CSRP1: variants seen among roughly 807,000 people sequenced by gnomAD.
CSRP1 encodes the protein cysteine and glycine rich protein 1.
A neutral mutation model predicts 25.4 loss-of-function variants in CSRP1; 16 were observed. That is an observed-to-expected ratio of 0.63 (90% CI 0.43 to 0.96). The LOEUF (loss-of-function observed/expected upper bound fraction) is 0.96. Among genes scored for constraint, CSRP1 ranks in the 40% least tolerant of loss-of-function variants. The pLI, the probability that CSRP1 is intolerant of heterozygous loss-of-function variation, is 0.00. For synonymous variants in CSRP1, 97 were observed against 95.3 expected (o/e 1.02, Z -0.10); for missense variants, 212 against 243.6 (o/e 0.87, Z 0.86).
chr1:201,489,465 G>C (rs1341346553), intron 3 of CSRP1: 2 of 175,748 alleles, frequency 1.1e-5, no homozygotes, highest in Admixed American at 1.1e-4. Flanking sequence ...GTGCCGTGGG[G>C]TGAGGGGGGT....
chr1:201,486,350 C>A, intron 4 of CSRP1: 1 of 985,494 alleles, frequency 1.0e-6, no homozygotes, highest in Non-Finnish European at 1.2e-6. Context: ...CTCTGCTTAA[C>A]CCAGGAAAAG....
intron 4 of CSRP1, chr1:201,486,998 G>A: frequency 7.7e-7 from 1 of 1,299,682 alleles, no homozygotes; most frequent in Non-Finnish European, 1.0e-6. Flanking sequence ...GATCTTCATT[G>A]TGACCTCAAA....
chr1:201,495,467 A>C (rs1317663051), intron 2 of CSRP1: 1 of 152,170 alleles, frequency 6.6e-6, no homozygotes, highest in Non-Finnish European at 1.5e-5. Context: ...TCATTTAGGA[A>C]CCTGAGGAGA....
rs1664045333 is a variant in CSRP1 at position 201,483,786 on chromosome 1, G to T, written c.*927C>A. On this transcript the variant is annotated 3_prime_UTR_variant, in exon 6 of 6. Transcript: ENST00000340006. ...TCTTGGGTTAAAGGGAAGATTCTGA[G>T]GTCTCAGGGCAAAGGGAAAGGTGTT... 1 of 492,084 alleles carries T rather than the reference G, an allele frequency of 2.0e-6. No homozygotes were observed. The highest frequency in any genetic ancestry group is 3.5e-5 in the South Asian group (1 of 28,774). The allele number at this position is 492,084 out of a possible 1,614,324, so 30.5% of individuals were successfully genotyped here. A position where few individuals can be genotyped will look rare whatever the true frequency, so the allele number is the denominator to read the frequency against.
chr1:201,496,186 A>C lies in CSRP1; in HGVS notation c.112+6T>G. ...GCAACAGCAATAGGGCCTGGGGCGTACTCACTGCACAGGAAGCAGGATTTA... is the reference window on the plus strand; with the variant it reads ...GCAACAGCAATAGGGCCTGGGGCGTCCTCACTGCACAGGAAGCAGGATTTA... On this transcript the variant is annotated splice_donor_region_variant and intron_variant, in intron 2 of 5. Transcript: ENST00000340006. The C allele has an allele frequency of 6.2e-7, 1 of 1,611,262 alleles. No homozygotes were observed.
intron 2 of CSRP1, among the ~76,000 whole-genome samples, chr1:201,494,717 G>A (rs1338013811): frequency 2.0e-5 from 3 of 152,198 alleles, no homozygotes; most frequent in Non-Finnish European, 4.4e-5. Context: ...TTCGTGTAAT[G>A]CAGAACAGAC....
chr1:201,502,775 G>A (rs967491886), intron 1 of CSRP1, among the ~76,000 whole-genome samples: 1 of 152,226 alleles, frequency 6.6e-6, no homozygotes, highest in East Asian at 1.9e-4. Flanking sequence ...TGACAAGGGC[G>A]GTATATGTCT....
chr1:201,500,123 A>T (rs58907550), intron 1 of CSRP1, among the ~76,000 whole-genome samples: 4,180 of 152,072 alleles, frequency 0.027, 198 homozygotes, highest in African/African-American at 0.096. Context: ...TTGCATATTT[A>T]AGAGGGGCTG....
chr1:201,498,074 T>G (rs1303029974), intron 1 of CSRP1, among the ~76,000 whole-genome samples: 1 of 151,470 alleles, frequency 6.6e-6, no homozygotes, highest in Non-Finnish European at 1.5e-5. Flanking sequence ...TGAGATATGA[T>G]ATGTCAAAGG....
intron 1 of CSRP1, among the ~76,000 whole-genome samples, chr1:201,502,140 C>T (rs573783601): frequency 2.6e-5 from 4 of 152,244 alleles, no homozygotes; most frequent in South Asian, 2.1e-4. Context: ...CCTTCAAAAC[C>T]ATCCCATATC....
chr1:201,491,356 T>C (rs952173130), intron 2 of CSRP1: 1 of 152,196 alleles, frequency 6.6e-6, no homozygotes, highest in African/African-American at 2.4e-5. Flanking sequence ...AGAGTCAGAC[T>C]GCCCAGAATC....
chr1:201,494,243 G>A (rs773046290), intron 2 of CSRP1, among the ~76,000 whole-genome samples: 1 of 151,852 alleles, frequency 6.6e-6, no homozygotes, highest in Non-Finnish European at 1.5e-5. Flanking sequence ...CTACTCCTCC[G>A]TAAACAGGTC....
chr1:201,496,321 A>G lies in CSRP1; in HGVS notation c.-1-17T>C, dbSNP rs747010171. 1.9e-6 allele frequency: 3 copies of G among 1,572,028 alleles called. No individual in the cohort carries two copies. In the Admixed American group the frequency reaches 5.0e-5, roughly 26 times the overall value. ...TTCGGCATTCTGAAAAGGGACACAG[A>G]AATGGGAATTAATTTTACAGGGAGA... is the stretch of plus-strand genomic sequence containing the variant. On this transcript the variant is annotated splice_polypyrimidine_tract_variant and intron_variant, in intron 1 of 5. Coordinates refer to ENST00000340006, the MANE Select transcript of CSRP1 (RefSeq NM_004078.3).
At chr1:201,496,023 G>A in intron 2 of CSRP1, 169 bp downstream of exon 2, 1 of 603,196 alleles carries the variant, frequency 1.7e-6, no homozygotes, top group South Asian at 2.1e-5. Flanking sequence ...CTTCTGAACG[G>A]AACAAAGAGG....
intron 1 of CSRP1, among the ~76,000 whole-genome samples, chr1:201,504,458 C>G (rs895139544): frequency 6.6e-6 from 1 of 152,214 alleles, no homozygotes; most frequent in Non-Finnish European, 1.5e-5. Context: ...CTGAGTAATG[C>G]CAAATGGCTG....
rs1664101991 is a variant in CSRP1 at position 201,485,376 on chromosome 1, A to T, written c.412T>A (p.Ser138Thr). The change falls in exon 5 of 6, where the codon TCC (serine) becomes ACC (threonine). Residue 138 changes from serine (S) to threonine (T), a missense_variant and splice_region_variant. Physicochemically the swap from Ser to Thr is moderately conservative, Grantham distance 58. Transcript: ENST00000340006. ...AAEKVIGAGK[S>T]WHKACFRCAK... ...CATCGAAAGCAGGCCTTATGCCAGG[A>T]CTAGGCAGGGAAGGAAATAGTTAAT... 1 of 1,614,058 alleles carries T rather than the reference A, an allele frequency of 6.2e-7. No homozygotes were observed. The highest frequency in any genetic ancestry group is 8.5e-7 in the Non-Finnish European group (1 of 1,179,946).
intron 2 of CSRP1, chr1:201,491,682 C>A (rs538613653): frequency 1.3e-5 from 2 of 152,332 alleles, no homozygotes; most frequent in East Asian, 3.9e-4. Context: ...CAACTGCATT[C>A]TTTTTCTTTA....
intron 5 of CSRP1, 139 bp downstream of exon 5, chr1:201,485,144 A>T: frequency 1.3e-6 from 1 of 792,210 alleles, no homozygotes; most frequent in South Asian, 1.6e-5. Flanking sequence ...CCTCATCTGT[A>T]CAATGAAGGA....
At position 201,488,741 on chromosome 1, in the gene CSRP1, C is replaced by G. The variant is rs7518677; in HGVS notation, c.411+114G>C. 8.1e-3 allele frequency: 10,389 copies of G among 1,284,060 alleles called. 338 individuals are homozygous for G. The African/African-American group carries it at 0.091, about 11-fold the overall frequency. The allele number at this position is 1,284,060 out of a possible 1,614,324, so 79.5% of individuals were successfully genotyped here. A position where few individuals can be genotyped will look rare whatever the true frequency, so the allele number is the denominator to read the frequency against. The stretch of plus-strand genomic sequence containing the variant: ...ACAGGGACAAAGAGAAGAGGTTAAA[C>G]CCCAGTGCTCAGGCTGCCCTGAGCA... On this transcript the variant is annotated intron_variant, in intron 4 of 5. Coordinates refer to ENST00000340006, the MANE Select transcript of CSRP1 (RefSeq NM_004078.3).
Sources: allele counts gnomAD v4.1 joint callset (sites outside exome capture counted in the v4.1 genomes callset), GRCh38; gene constraint gnomAD v4.1.1; transcripts MANE v1.5; gene names NCBI Gene and HGNC (gene_info 2026-07-23, HGNC 2026-07-21).